Variants in JMY observed in about 807,000 individuals in gnomAD.
The protein encoded by JMY is junction mediating and regulatory protein, p53 cofactor, also known as junction-mediating and -regulatory protein.
In JMY, 46 loss-of-function variants were observed where a neutral mutation model predicts 103.3. The observed-to-expected ratio is 0.45, with a 90% CI of 0.35 to 0.57. The LOEUF (loss-of-function observed/expected upper bound fraction) is 0.57, where lower values mean the gene tolerates loss of function less well. Ranked by LOEUF, JMY falls within the 20% of genes least tolerant of loss-of-function variation. JMY has a pLI of 0.00. For synonymous variants in JMY, 526 were observed against 489.3 expected (o/e 1.07, Z -0.99); for missense variants, 1,238 against 1,255.2 (o/e 0.99, Z 0.21).
chr5:79,272,265 T>C (rs1745808118), intron 1 of JMY, among the ~76,000 whole-genome samples: 1 of 152,202 alleles, frequency 6.6e-6, no homozygotes, highest in South Asian at 2.1e-4. Context: ...TCAATATTTA[T>C]CTCTTCTAGG....
chr5:79,265,203 C>T (rs1417120246), intron 1 of JMY, among the ~76,000 whole-genome samples: 2 of 152,134 alleles, frequency 1.3e-5, no homozygotes, highest in Admixed American at 6.5e-5. Flanking sequence ...GGATTACAGG[C>T]GTGAGCTACT....
At chr5:79,268,783 C>T (rs568321124) in intron 1 of JMY, among the ~76,000 whole-genome samples, 62 of 152,250 alleles carry the variant, frequency 4.1e-4, no homozygotes, top group Non-Finnish European at 8.1e-4. Context: ...CCACCGCGCC[C>T]GGTGAGCATC....
chr5:79,304,999 A>G (rs1165847815), intron 6 of JMY, among the ~76,000 whole-genome samples: 1 of 152,230 alleles, frequency 6.6e-6, no homozygotes, highest in African/African-American at 2.4e-5. Context: ...ACATTATCTA[A>G]CACGCCCTTT....
intron 1 of JMY, among the ~76,000 whole-genome samples, chr5:79,274,258 T>C (rs528684800): frequency 1.7e-4 from 26 of 152,350 alleles, no homozygotes; most frequent in African/African-American, 6.3e-4. Flanking sequence ...TTTTGAGATT[T>C]CCTGTTTATT....
chr5:79,314,501 C>T lies in JMY; in HGVS notation c.2309C>T (p.Ser770Leu), dbSNP rs1747144878. 6.2e-7 allele frequency: 1 copy of T among 1,613,986 alleles called. No individual in the cohort carries two copies. The highest frequency in any genetic ancestry group is 1.7e-5 in the Admixed American group (1 of 59,996). Residue 770 changes from serine to leucine, a missense_variant, in exon 9 of 11, where the codon TCA (serine) becomes TTA (leucine). Transcript: ENST00000396137. The part of the protein sequence containing the change: ...DTSLTQLEAT[S>L]LPLSGVTSEL... ...TCATTAACACAACTTGAAGCCACCTCATTACCTCTCAGTGGTGTTACCTCT... is the reference window on the plus strand; with the variant it reads ...TCATTAACACAACTTGAAGCCACCTTATTACCTCTCAGTGGTGTTACCTCT...
chr5:79,280,461 C>T (rs980143666), intron 2 of JMY, among the ~76,000 whole-genome samples: 12 of 152,176 alleles, frequency 7.9e-5, no homozygotes, highest in African/African-American at 2.9e-4. Flanking sequence ...GAACAGAAAA[C>T]ATATTTTGAA....
intron 1 of JMY, among the ~76,000 whole-genome samples, chr5:79,237,897 C>T (rs536827709): frequency 6.6e-6 from 1 of 152,138 alleles, no homozygotes; most frequent in Non-Finnish European, 1.5e-5. Context: ...TATTTCCTCC[C>T]CCATTTATCA....
At chr5:79,263,076 A>G (rs1044138201) in intron 1 of JMY, among the ~76,000 whole-genome samples, 1 of 142,998 alleles carries the variant, frequency 7.0e-6, no homozygotes, top group African/African-American at 2.6e-5. Flanking sequence ...TAAATGACTC[A>G]GGGGGATTTT....
At chr5:79,306,575 C>G in intron 7 of JMY, 114 bp downstream of exon 7, 1 of 749,572 alleles carries the variant, frequency 1.3e-6, no homozygotes, top group South Asian at 1.7e-5. Context: ...AACATTAGTT[C>G]AGTTTATATA....
chr5:79,242,859 C>G (rs1331522084), intron 1 of JMY, among the ~76,000 whole-genome samples: 4 of 151,468 alleles, frequency 2.6e-5, no homozygotes, highest in African/African-American at 9.7e-5. Context: ...TCTCAGCTCA[C>G]TGCAACCTCT....
At position 79,275,156 on chromosome 5, in the gene JMY, GT is replaced by G. The variant is rs113713043; in HGVS notation, c.1033-2736del. Among the ~76,000 whole-genome samples the G allele has an allele frequency of 5.2e-3, 699 of 133,664 alleles. 2 individuals carry two copies. The highest frequency in any genetic ancestry group is 0.014 in the African/African-American group (517 of 36,590). The allele number at this position is 133,664 out of a possible 152,430, so 87.7% of individuals were successfully genotyped here. On this transcript the variant is annotated intron_variant, in intron 1 of 10. Transcript: ENST00000396137. The stretch of plus-strand genomic sequence containing the variant: ...CCAACAAGACTGTGGGTTTCTGAGG[GT>G]TTTTTTTTTTTTTTTTTGGAGATGG...
intron 10 of JMY, among the ~76,000 whole-genome samples, chr5:79,321,381 C>A (rs1206393808): frequency 5.9e-5 from 9 of 152,238 alleles, no homozygotes; most frequent in African/African-American, 2.2e-4. Flanking sequence ...ATATAGTTTT[C>A]ATACAGTGTT....
Position 79,274,348 on chromosome 5 carries a change from G to C in JMY, c.1033-3562G>C, listed in dbSNP as rs571330567. The stretch of plus-strand genomic sequence containing the variant: ...ATATTTGTCTGTTAAATCCATATCT[G>C]TTTCATCTTATGATTGGTCTTCATT... On this transcript the variant is annotated intron_variant, in intron 1 of 10. Coordinates refer to ENST00000396137, the MANE Select transcript of JMY (RefSeq NM_152405.5). Among the ~76,000 whole-genome samples, 4 of 151,086 alleles carry C rather than the reference G, an allele frequency of 2.6e-5. No individual in the cohort carries two copies. The East Asian group carries it at 7.8e-4, about 29-fold the overall frequency.
chr5:79,271,818 A>G (rs1745792460), intron 1 of JMY, among the ~76,000 whole-genome samples: 1 of 152,146 alleles, frequency 6.6e-6, no homozygotes, highest in African/African-American at 2.4e-5. Context: ...TGTTTATAAA[A>G]TGTTCTGGGC....
chr5:79,285,941 G>A (rs1223543656), intron 2 of JMY, among the ~76,000 whole-genome samples: 1 of 141,552 alleles, frequency 7.1e-6, no homozygotes, highest in Non-Finnish European at 1.5e-5. Context: ...AACTAGTTTC[G>A]CTATCCTAGC....
At chr5:79,313,802 G>T (rs1249529755) in intron 8 of JMY, among the ~76,000 whole-genome samples, 2 of 152,110 alleles carry the variant, frequency 1.3e-5, no homozygotes, top group Non-Finnish European at 2.9e-5. Flanking sequence ...TTGTTTGTAA[G>T]CTATTATTAG....
rs1226018365 is a variant in JMY, at chr5:79,314,591, T to C, written c.2399T>C (p.Ile800Thr). 7.4e-6 allele frequency: 12 copies of C among 1,613,830 alleles called. No individual in the cohort carries two copies. Among genetic ancestry groups the C allele is most frequent in the Non-Finnish European group, 9.3e-6 (11 of 1,179,946 alleles). ...NNNLEPCSVTINPLPSPLPPT... is the reference protein window; with the variant it reads ...NNNLEPCSVTTNPLPSPLPPT... Reference sequence around the variant, plus strand: ...AACCTCGAACCATGTTCTGTTACCATAAATCCACTCCCATCCCCTCTTCCT... The same window carrying C: ...AACCTCGAACCATGTTCTGTTACCACAAATCCACTCCCATCCCCTCTTCCT... The change falls in exon 9 of 11, where the codon ATA (isoleucine) becomes ACA (threonine). Residue 800 changes from isoleucine to threonine, a missense_variant. Ile to Thr is a moderately conservative substitution (Grantham distance 89). Transcript: ENST00000396137.
At position 79,252,572 on chromosome 5, in the gene JMY, C is replaced by A. The variant is rs184257390; in HGVS notation, c.1032+14890C>A. ...CGCTGAAAGTGGGATGTTGAAGTCT[C>A]CAGGTATTACTGTATTGAGGCCTCT... On this transcript the variant is annotated intron_variant, in intron 1 of 10. Coordinates refer to ENST00000396137, the MANE Select transcript of JMY (RefSeq NM_152405.5). Among the ~76,000 whole-genome samples, 3 of 152,138 alleles carry A rather than the reference C, an allele frequency of 2.0e-5. No homozygotes were observed. The East Asian group carries it at 5.8e-4, about 29-fold the overall frequency.
chr5:79,313,901 C>T (rs1222066611), intron 8 of JMY, among the ~76,000 whole-genome samples: 6 of 152,208 alleles, frequency 3.9e-5, no homozygotes, highest in Non-Finnish European at 8.8e-5. Context: ...CTCTGTCACT[C>T]AGGCTGGAGT....
Sources: allele counts gnomAD v4.1 joint callset (sites outside exome capture counted in the v4.1 genomes callset), GRCh38; gene constraint gnomAD v4.1.1; transcripts MANE v1.5; gene names NCBI Gene and HGNC (gene_info 2026-07-23, HGNC 2026-07-21).